The following GPR107 variants were observed in gnomAD, a reference collection of about 807,000 sequenced individuals.
GPR107 encodes the protein protein GPR107.
In GPR107, 31 loss-of-function variants were observed where a neutral mutation model predicts 75.5. The observed-to-expected ratio is 0.41, with a 90% CI of 0.31 to 0.55. The LOEUF (loss-of-function observed/expected upper bound fraction) is 0.55, where lower values mean the gene tolerates loss of function less well. Ranked by LOEUF, GPR107 falls within the 20% of genes least tolerant of loss-of-function variation. The pLI, the probability that GPR107 is intolerant of heterozygous loss-of-function variation, is 0.26. For synonymous variants in GPR107, 267 were observed against 251.3 expected, an observed-to-expected ratio of 1.06 and a Z score of -0.59; for missense variants, 572 against 665.7, an observed-to-expected ratio of 0.86 and a Z score of 1.55.
intron 9 of GPR107, among the ~76,000 whole-genome samples, chr9:130,093,470 G>A: frequency 6.6e-6 from 1 of 152,110 alleles, no homozygotes; most frequent in East Asian, 1.9e-4. Flanking sequence ...CTGGAGCATT[G>A]GGGTGGAAAT....
In GPR107 at chr9:130,135,177, C is replaced by A; in HGVS notation, c.*56C>A. The A allele has an allele frequency of 1.1e-6, 1 of 903,236 alleles. No homozygotes were observed. Among genetic ancestry groups the A allele is most frequent in the South Asian group, 1.6e-5 (1 of 63,840 alleles). 56.0% of individuals were successfully genotyped at this position (903,236 alleles called of 1,614,324 possible). The stretch of plus-strand genomic sequence containing the variant: ...AGGAAACTGTTAACTTATTCATAGT[C>A]CTATTGGACAGCAGGAGCAGCTCCT... On this transcript the variant is annotated 3_prime_UTR_variant, in exon 18 of 18. Coordinates refer to ENST00000347136, the MANE Select transcript of GPR107 (RefSeq NM_020960.5).
chr9:130,129,224 T>C (rs987516798), intron 17 of GPR107: 2 of 157,966 alleles, frequency 1.3e-5, no homozygotes, highest in Non-Finnish European at 2.8e-5. Flanking sequence ...CTTTGACCTA[T>C]ATCTGAGCAC....
chr9:130,099,382 G>C, intron 9 of GPR107, 75 bp from the exon 10 acceptor site: 1 of 817,772 alleles, frequency 1.2e-6, no homozygotes, highest in Non-Finnish European at 2.1e-6. Context: ...TATAAATATA[G>C]CTAATGTCTG....
At chr9:130,125,013 A>G (rs919903028) in intron 15 of GPR107, 49 bp downstream of exon 15, 2 of 935,076 alleles carry the variant, frequency 2.1e-6, no homozygotes, top group East Asian at 5.3e-5. Flanking sequence ...AATCAATTCA[A>G]GGAGTAGAGC....
chr9:130,087,408 C>T (rs1830639778), intron 7 of GPR107, among the ~76,000 whole-genome samples: 1 of 152,020 alleles, frequency 6.6e-6, no homozygotes, highest in Non-Finnish European at 1.5e-5. Flanking sequence ...TGGCTCACGC[C>T]TGTTATCCCA....
intron 14 of GPR107, among the ~76,000 whole-genome samples, chr9:130,116,029 G>A (rs1326158952): frequency 6.6e-6 from 1 of 152,134 alleles, no homozygotes; most frequent in Admixed American, 6.5e-5. Flanking sequence ...CAACTGAGTC[G>A]CAGCTTCTGA....
intron 13 of GPR107, among the ~76,000 whole-genome samples, chr9:130,105,531 A>G (rs1831137224): frequency 6.6e-6 from 1 of 152,102 alleles, no homozygotes; most frequent in Non-Finnish European, 1.5e-5. Context: ...TGCTGGGATT[A>G]TAGGCATGAG....
chr9:130,099,293 C>T (rs112974825), intron 9 of GPR107, among the ~76,000 whole-genome samples, 164 bp from the exon 10 acceptor site: 155 of 150,328 alleles, frequency 1.0e-3, no homozygotes, highest in Non-Finnish European at 1.9e-3. Flanking sequence ...CTAGCCTGGG[C>T]GACAGAATAA....
chr9:130,068,609 T>A (rs1260579536), intron 1 of GPR107, among the ~76,000 whole-genome samples: 4 of 152,200 alleles, frequency 2.6e-5, no homozygotes, highest in African/African-American at 4.8e-5. Flanking sequence ...CTATTTTTTT[T>A]ATGACTGAAA....
At chr9:130,105,962 A>C (rs1239264912) in intron 13 of GPR107, among the ~76,000 whole-genome samples, 1 of 152,152 alleles carries the variant, frequency 6.6e-6, no homozygotes, top group African/African-American at 2.4e-5. Flanking sequence ...ACCCAGTGGA[A>C]TATGAATGAC....
At position 130,090,898 on chromosome 9, in the gene GPR107, A is replaced by T; in HGVS notation, c.644A>T (p.Asp215Val). ...SFQFFFNISTDDQEGLYSLYF... is the reference protein window; with the variant it reads ...SFQFFFNISTVDQEGLYSLYF... ...CAGTTTTTCTTTAACATCAGCACTG[A>T]TGACCAAGAAGGCCTTTACAGTCTT... The change falls in exon 8 of 18, where the codon GAT (aspartate) becomes GTT (valine). Residue 215 changes from aspartate (D) to valine (V), a missense_variant. Physicochemically the swap from Asp to Val is radical, Grantham distance 152. Transcript: ENST00000347136. The T allele has an allele frequency of 1.4e-6, 2 of 1,478,566 alleles. No homozygotes were observed. Among genetic ancestry groups the T allele is most frequent in the Non-Finnish European group, 1.9e-6 (2 of 1,057,900 alleles). 91.6% of individuals were successfully genotyped at this position (1,478,566 alleles called of 1,614,324 possible).
chr9:130,128,159 A>G lies in GPR107; in HGVS notation c.1441-481A>G, dbSNP rs148994925. ...TCAGGTAGAGAAAGATTTGCCCTGAATCATTAGAACTTAGATGAGATGTGG... is the reference window on the plus strand; with the variant it reads ...TCAGGTAGAGAAAGATTTGCCCTGAGTCATTAGAACTTAGATGAGATGTGG... On this transcript the variant is annotated intron_variant, in intron 16 of 17. Transcript: ENST00000347136. 3.4e-3 allele frequency among the ~76,000 whole-genome samples: 515 copies of G among 152,356 alleles called. 4 individuals carry two copies. Among genetic ancestry groups the G allele is most frequent in the Non-Finnish European group, 5.8e-3 (395 of 68,036 alleles).
intron 7 of GPR107, among the ~76,000 whole-genome samples, chr9:130,090,658 T>C (rs1251515698): frequency 6.6e-6 from 1 of 152,216 alleles, no homozygotes. Context: ...TAAGAAGATA[T>C]CTCTTTAAAC....
At chr9:130,113,557 GA>G (rs1564679980) in intron 14 of GPR107, among the ~76,000 whole-genome samples, 2 of 152,100 alleles carry the variant, frequency 1.3e-5, no homozygotes, top group African/African-American at 4.8e-5. Flanking sequence ...TAAGACTTAT[GA>G]TGTAAGCAGA....
chr9:130,074,759 C>T (rs1295655248), intron 1 of GPR107, among the ~76,000 whole-genome samples: 1 of 151,964 alleles, frequency 6.6e-6, no homozygotes, highest in Non-Finnish European at 1.5e-5. Flanking sequence ...GAAAATTCAC[C>T]TTTTTAAATA....
rs952040815 is a variant in GPR107 at position 130,114,734 on chromosome 9, A to C, written c.1306+7195A>C. 5.0e-6 allele frequency: 5 copies of C among 1,007,372 alleles called. No individual in the cohort carries two copies. The African/African-American group carries it at 8.7e-5, about 18-fold the overall frequency. The allele number at this position is 1,007,372 out of a possible 1,614,324, so 62.4% of individuals were successfully genotyped here. On this transcript the variant is annotated intron_variant, in intron 14 of 17. Transcript: ENST00000347136. ...TGTAGATATAATCATACTAACCGAA[A>C]AACTTGGGGTCTTTAGGAATTTTTA...
Position 130,124,941 on chromosome 9 carries a change from CT to C in GPR107, c.1337del (p.Phe446SerfsTer7). ...TGCTATTAACTTAGCAAAGCTGAAA[CT>C]TTTCAGACATTATTACGTCTTGGTA... ...KAAINLAKLK[L>X]FRHYYVLIVC... On this transcript the variant is annotated frameshift_variant, in exon 15 of 18. Transcript: ENST00000347136. LOFTEE classifies it high-confidence loss of function. 6.5e-7 allele frequency: 1 copy of C among 1,527,968 alleles called. No homozygotes were observed. The highest frequency in any genetic ancestry group is 8.9e-7 in the Non-Finnish European group (1 of 1,121,776). The allele number at this position is 1,527,968 out of a possible 1,614,324, so 94.7% of individuals were successfully genotyped here.
intron 6 of GPR107, among the ~76,000 whole-genome samples, chr9:130,085,771 T>TTTTTTTTTTTTTTTTTTTTTCTG (rs1830600791): frequency 7.5e-6 from 1 of 133,414 alleles, no homozygotes; most frequent in Non-Finnish European, 1.7e-5. Context: ...TTTTTTTTTT[T>TTTTTTTTTTTTTTTTTTTTTCTG]GCCGGGGGGA....
intron 17 of GPR107, chr9:130,129,515 T>A (rs1831767212): frequency 1.3e-5 from 2 of 152,226 alleles, no homozygotes; most frequent in Admixed American, 1.3e-4. Context: ...TGCTTGGCTG[T>A]CAGCGGGTCA....
Sources: allele counts gnomAD v4.1 joint callset (sites outside exome capture counted in the v4.1 genomes callset), GRCh38; gene constraint gnomAD v4.1.1; transcripts MANE v1.5; gene names NCBI Gene and HGNC (gene_info 2026-07-23, HGNC 2026-07-21).